EXOC3L4: variants seen among roughly 807,000 people sequenced by gnomAD.
EXOC3L4 encodes exocyst complex component 3 like 4, also known as exocyst complex component 3-like protein 4.
A neutral mutation model predicts 69.7 loss-of-function variants in EXOC3L4; 62 were observed. The observed-to-expected ratio is 0.89, with a 90% CI of 0.72 to 1.10. EXOC3L4 has a LOEUF of 1.10. Ranked by LOEUF, EXOC3L4 falls within the 50% of genes least tolerant of loss-of-function variation. EXOC3L4 has a pLI of 0.00. For missense variants in EXOC3L4, 1,087 were observed against 1,034.8 expected (o/e 1.05, Z -0.69); for synonymous variants, 502 against 464.2 (o/e 1.08, Z -1.05).
At position 103,105,185 on chromosome 14, in the gene EXOC3L4, T is replaced by G. The variant is rs1235967267; in HGVS notation, c.1466+113T>G. The G allele has an allele frequency of 3.6e-6, 3 of 836,018 alleles. No homozygotes were observed. The African/African-American group carries it at 5.4e-5, about 15-fold the overall frequency. 51.8% of individuals were successfully genotyped at this position (836,018 alleles called of 1,614,324 possible). A position where few individuals can be genotyped will look rare whatever the true frequency, so the allele number is the denominator to read the frequency against. ...GCGTGGAGGGGGCAGAGGTGAGGAG[T>G]GTGTGTGTGTGTTTGTGTCTGTGTG... On this transcript the variant is annotated intron_variant, in intron 7 of 11. Coordinates refer to ENST00000688303, the MANE Select transcript of EXOC3L4 (RefSeq NM_001077594.2).
Position 103,102,348 on chromosome 14 carries a change from G to A in EXOC3L4, c.625G>A (p.Ala209Thr). The change falls in exon 3 of 12, where the codon GCC becomes ACC. Residue 209 changes from alanine (A) to threonine (T), a missense_variant. Coordinates refer to ENST00000688303, the MANE Select transcript of EXOC3L4 (RefSeq NM_001077594.2). ...GCTGGACAGCGACGGTGTGGACGCGGCCGCGCTGGCCGAGCTGGCCCGCGT... is the reference window on the plus strand; with the variant it reads ...GCTGGACAGCGACGGTGTGGACGCGACCGCGCTGGCCGAGCTGGCCCGCGT... Reference protein sequence around the residue: ...ETLDSDGVDAAALAELARVVS... With the variant: ...ETLDSDGVDATALAELARVVS... 1.3e-6 allele frequency: 2 copies of A among 1,560,288 alleles called. No homozygotes were observed. Among genetic ancestry groups the A allele is most frequent in the Non-Finnish European group, 1.7e-6 (2 of 1,159,600 alleles).
At chr14:103,099,307 G>C (rs568862002) in intron 1 of EXOC3L4, among the ~76,000 whole-genome samples, 44 of 152,296 alleles carry the variant, frequency 2.9e-4, no homozygotes, top group Admixed American at 4.6e-4. Flanking sequence ...CTGGAAGGGG[G>C]TGTGGGTGGA....
chr14:103,104,963 C>T, intron 6 of EXOC3L4, 29 bp from the exon 7 acceptor site: 2 of 1,601,922 alleles, frequency 1.2e-6, no homozygotes, highest in South Asian at 1.1e-5. Context: ...TAGGGAGGGT[C>T]CCCAAAGGCT....
intron 7 of EXOC3L4, 111 bp downstream of exon 7, chr14:103,105,183 A>AGTGTGT: frequency 9.6e-7 from 1 of 1,039,658 alleles, no homozygotes; most frequent in East Asian, 2.7e-5. Context: ...AGAGGTGAGG[A>AGTGTGT]GTGTGTGTGT....
At chr14:103,103,248 C>T (rs1462499142) in intron 3 of EXOC3L4, among the ~76,000 whole-genome samples, 5 of 149,728 alleles carry the variant, frequency 3.3e-5, no homozygotes, top group Admixed American at 2.0e-4. Flanking sequence ...TCAGCTATTC[C>T]GGAGGCTGAG....
rs534754379 is a variant in EXOC3L4, at chr14:103,097,299, G to A, written c.-17+2459G>A. On this transcript the variant is annotated intron_variant, in intron 1 of 11. Coordinates refer to ENST00000688303, the MANE Select transcript of EXOC3L4 (RefSeq NM_001077594.2). The surrounding 1 kb of genome is among the most constrained non-coding windows in gnomAD (Gnocchi z 4.9). Reference sequence around the variant, plus strand: ...GAGAGTGGGACCCGGGGCTCAGGCCGGGCGTCAGTCTCTGGGGCCTTGCAA... The same window carrying A: ...GAGAGTGGGACCCGGGGCTCAGGCCAGGCGTCAGTCTCTGGGGCCTTGCAA... Among the ~76,000 whole-genome samples the A allele has an allele frequency of 1.1e-4, 17 of 152,252 alleles. No individual in the cohort carries two copies. Among genetic ancestry groups the A allele is most frequent in the Middle Eastern group, 3.4e-3 (1 of 294 alleles).
rs576460724 is a variant in EXOC3L4, at chr14:103,096,189, AC to A, written c.-17+1350del. 3.5e-3 allele frequency among the ~76,000 whole-genome samples: 530 copies of A among 152,206 alleles called. 7 individuals are homozygous for A. The highest frequency in any genetic ancestry group is 2.3e-3 in the Non-Finnish European group (158 of 68,012). ...CACACATAATGAGACCCCTGTCTCT[AC>A]AAAAAATATAAAAATTAGCCAGGCA... On this transcript the variant is annotated intron_variant, in intron 1 of 11. Transcript: ENST00000688303.
chr14:103,098,348 G>A (rs1358901516), intron 1 of EXOC3L4, among the ~76,000 whole-genome samples: 1 of 152,016 alleles, frequency 6.6e-6, no homozygotes, highest in Non-Finnish European at 1.5e-5. Context: ...GGGTGGAGAC[G>A]TGGCAGGTCC....
chr14:103,100,643 G>A (rs1401132790), intron 2 of EXOC3L4, 30 bp downstream of exon 2: 1 of 1,575,346 alleles, frequency 6.3e-7, no homozygotes, highest in Admixed American at 1.8e-5. Flanking sequence ...CACGAAGCAT[G>A]AAAGGAAACG....
At chr14:103,095,191 C>T (rs1231801181) in intron 1 of EXOC3L4, among the ~76,000 whole-genome samples, 1 of 152,206 alleles carries the variant, frequency 6.6e-6, no homozygotes, top group Non-Finnish European at 1.5e-5. Context: ...AACCGACGCC[C>T]AGAAAAGTGT....
chr14:103,106,635 C>A (rs1890563813), intron 7 of EXOC3L4, 150 bp from the exon 8 acceptor site: 3 of 578,144 alleles, frequency 5.2e-6, no homozygotes, highest in Admixed American at 3.3e-5. Flanking sequence ...TGCTGTCCCC[C>A]ACTTGACTCT....
upstream of EXOC3L4, among the ~76,000 whole-genome samples, chr14:103,094,518 G>C (rs1248962875): frequency 6.6e-6 from 1 of 152,198 alleles, no homozygotes; most frequent in Admixed American, 6.5e-5. Context: ...GCCGAGCTCC[G>C]CAGCCTTCCC....
At chr14:103,107,361 G>C in intron 8 of EXOC3L4, 63 bp from the exon 9 acceptor site, 1 of 1,577,956 alleles carries the variant, frequency 6.3e-7, no homozygotes, top group Non-Finnish European at 8.6e-7. Flanking sequence ...ACTGGGCTTC[G>C]AGGGAGGGGT....
chr14:103,097,443 A>G lies in EXOC3L4; in HGVS notation c.-17+2603A>G, dbSNP rs1889943918. ...CATGGGGGTGTGGGGAGGCAGGCAC[A>G]GGGACAGGCCAGGCGAGAGCCTTGG... On this transcript the variant is annotated intron_variant, in intron 1 of 11. Coordinates refer to ENST00000688303, the MANE Select transcript of EXOC3L4 (RefSeq NM_001077594.2). The surrounding 1 kb of genome is among the most constrained non-coding windows in gnomAD (Gnocchi z 4.9). 1.3e-5 allele frequency among the ~76,000 whole-genome samples: 2 copies of G among 152,158 alleles called. No homozygotes were observed. The highest frequency in any genetic ancestry group is 2.4e-5 in the African/African-American group (1 of 41,416).
At chr14:103,103,803 T>C (rs1266576474) in intron 3 of EXOC3L4, 138 bp from the exon 4 acceptor site, 30 of 540,588 alleles carry the variant, frequency 5.5e-5, no homozygotes, top group South Asian at 6.6e-5. Context: ...CGCGCGTGTG[T>C]GTGTGTGTGT....
Position 103,102,110 on chromosome 14 carries a change from C to G in EXOC3L4, c.395-8C>G. The G allele has an allele frequency of 6.3e-7, 1 of 1,597,594 alleles. No homozygotes were observed. Among genetic ancestry groups the G allele is most frequent in the South Asian group, 1.1e-5 (1 of 88,402 alleles). On this transcript the variant is annotated splice_region_variant and splice_polypyrimidine_tract_variant and intron_variant, in intron 2 of 11. Coordinates refer to ENST00000688303, the MANE Select transcript of EXOC3L4 (RefSeq NM_001077594.2). ...CCCTCTCACCGCCCTTCTCGCCCGC[C>G]TGTGCAGAAGGCAAATCCGTGGCCG...
intron 1 of EXOC3L4, among the ~76,000 whole-genome samples, chr14:103,095,076 G>C (rs1031330087): frequency 2.6e-5 from 4 of 152,214 alleles, no homozygotes; most frequent in Non-Finnish European, 4.4e-5. Flanking sequence ...GGGCATGCAG[G>C]CACAGACACA....
In EXOC3L4 at chr14:103,110,255, G is replaced by T. The variant is rs1169113638; in HGVS notation, c.*32G>T. The T allele has an allele frequency of 2.0e-6, 3 of 1,496,236 alleles. No homozygotes were observed. Among genetic ancestry groups the T allele is most frequent in the African/African-American group, 2.8e-5 (2 of 71,662 alleles). The allele number at this position is 1,496,236 out of a possible 1,614,324, so 92.7% of individuals were successfully genotyped here. On this transcript the variant is annotated 3_prime_UTR_variant, in exon 12 of 12. Transcript: ENST00000688303. ...CTGGCTCGAGGGGGGGCCGGCCGCT[G>T]GCAGGGAGCTGTGGTCAGTGGGGGT... is the stretch of plus-strand genomic sequence containing the variant.
intron 1 of EXOC3L4, among the ~76,000 whole-genome samples, chr14:103,099,553 CT>C (rs1890059161): frequency 6.6e-6 from 1 of 152,242 alleles, no homozygotes; most frequent in Admixed American, 6.5e-5. Flanking sequence ...TCTGCCGCCC[CT>C]GTGGCTGCAT....
Sources: allele counts gnomAD v4.1 joint callset (sites outside exome capture counted in the v4.1 genomes callset), GRCh38; gene constraint gnomAD v4.1.1; non-coding constraint Gnocchi (gnomAD v3.1); transcripts MANE v1.5; gene names NCBI Gene and HGNC (gene_info 2026-07-23, HGNC 2026-07-21).